LRIT3: variants seen among roughly 807,000 people sequenced by gnomAD.
LRIT3 encodes the protein leucine-rich repeat, immunoglobulin-like domain and transmembrane domain-containing protein 3.
LRIT3 carries 14 observed loss-of-function variants against 22.6 expected under a neutral mutation model. The ratio of observed to expected loss-of-function variants is 0.62; its 90% CI spans 0.41 to 0.97. LRIT3 has a LOEUF of 0.97. Among genes scored for constraint, LRIT3 ranks in the 50% least tolerant of loss-of-function variants. LRIT3 has a pLI of 0.00. For synonymous variants in LRIT3, 306 were observed against 304.5 expected, an observed-to-expected ratio of 1.01 and a Z score of -0.05; for missense variants, 783 against 803.0, an observed-to-expected ratio of 0.98 and a Z score of 0.30.
chr4:109,854,510 T>C (rs1351616714), intron 2 of LRIT3, among the ~76,000 whole-genome samples: 1 of 152,232 alleles, frequency 6.6e-6, no homozygotes. Flanking sequence ...TACAATCATG[T>C]CATCTGCAAA....
intron 1 of LRIT3, 72 bp from the exon 2 acceptor site, chr4:109,851,432 A>G (rs1734252795): frequency 5.5e-6 from 8 of 1,459,792 alleles, no homozygotes; most frequent in Non-Finnish European, 7.2e-6. Context: ...TACATTTTTC[A>G]AATGAGAAGT....
At chr4:109,854,890 T>C (rs1337310116) in intron 2 of LRIT3, among the ~76,000 whole-genome samples, 1 of 152,186 alleles carries the variant, frequency 6.6e-6, no homozygotes, top group Non-Finnish European at 1.5e-5. Flanking sequence ...TTTGCATATG[T>C]TGAACAAGCG....
At chr4:109,859,037 A>G (rs1734472777) in intron 2 of LRIT3, among the ~76,000 whole-genome samples, 1 of 152,222 alleles carries the variant, frequency 6.6e-6, no homozygotes, top group African/African-American at 2.4e-5. Context: ...TGACATGCAC[A>G]TAAGCTAATT....
rs899298980 is a variant in LRIT3 at position 109,871,949 on chromosome 4, C to G, written c.*1160C>G. 4 of 152,134 alleles carry G rather than the reference C, an allele frequency of 2.6e-5. No homozygotes were observed. Among genetic ancestry groups the G allele is most frequent in the African/African-American group, 9.7e-5 (4 of 41,424 alleles). 9.4% of individuals were successfully genotyped at this position (152,134 alleles called of 1,614,324 possible). ...CTCATGGCTTTAAGATTAACGATAG[C>G]GATAAGGCCCACTCAAGCATCTCAC... On this transcript the variant is annotated 3_prime_UTR_variant, in exon 4 of 4. Transcript: ENST00000594814.
rs899043961 is a variant in LRIT3, at chr4:109,851,831, G to A, written c.444G>A (p.Ala148=). ...AAATAACCAGTGTGCCAAATGAGGC[G>A]CTCAGGTATCTGAAGAACCTTGCCT... ...NNKITSVPNE[A]LRYLKNLAYL... Residue 148 remains alanine, a synonymous_variant, in exon 2 of 4, where the codon GCG becomes GCA. Coordinates refer to ENST00000594814, the MANE Select transcript of LRIT3 (RefSeq NM_198506.5). 24 of 1,551,570 alleles carry A rather than the reference G, an allele frequency of 1.5e-5. No homozygotes were observed. The highest frequency in any genetic ancestry group is 5.5e-5 in the African/African-American group (4 of 73,018).
intron 1 of LRIT3, 185 bp from the exon 2 acceptor site, chr4:109,851,319 A>C (rs1734249678): frequency 2.9e-6 from 2 of 684,192 alleles, no homozygotes; most frequent in Non-Finnish European, 4.7e-6. Context: ...GCCACAGAGG[A>C]GGTGGCAAAC....
Position 109,867,811 on chromosome 4 carries a change from C to G in LRIT3, c.760C>G (p.Pro254Ala). ...QRAELEHCLK[P>A]SVMTSATKIM... ...GGCTGAATTGGAGCATTGTCTGAAA[C>G]CATCAGTGATGACCTCAGCCACCAA... Residue 254 changes from proline (P) to alanine (A), a missense_variant, in exon 3 of 4, where the codon CCA becomes GCA. Physicochemically the swap from Pro to Ala is conservative, Grantham distance 27 (BLOSUM62 -1). Around this residue, in one of 2 missense-constraint regions of LRIT3, gnomAD observed 756 missense variants for 753.8 expected, o/e 1.00. Transcript: ENST00000594814. The G allele has an allele frequency of 6.2e-7, 1 of 1,614,182 alleles. No individual in the cohort carries two copies. Among genetic ancestry groups the G allele is most frequent in the Non-Finnish European group, 8.5e-7 (1 of 1,180,020 alleles).
intron 1 of LRIT3, among the ~76,000 whole-genome samples, chr4:109,848,747 A>G (rs1734136893): frequency 6.6e-6 from 1 of 152,216 alleles, no homozygotes; most frequent in Admixed American, 6.5e-5. Flanking sequence ...ATTCATGCCA[A>G]TTGAATGGCA....
At chr4:109,861,662 A>ATT (rs1480482039) in intron 2 of LRIT3, among the ~76,000 whole-genome samples, 2 of 151,914 alleles carry the variant, frequency 1.3e-5, no homozygotes, top group African/African-American at 4.8e-5. Flanking sequence ...TTTAAGGGCT[A>ATT]TTTGTCTTTT....
intron 2 of LRIT3, among the ~76,000 whole-genome samples, chr4:109,856,618 T>C (rs1734407949): frequency 6.6e-6 from 1 of 152,148 alleles, no homozygotes. Context: ...TTTTACTGAT[T>C]CCCAATTGTG....
chr4:109,851,838 T>C lies in LRIT3; in HGVS notation c.451T>C (p.Tyr151His), dbSNP rs1441384954. The change falls in exon 2 of 4, where the codon TAT becomes CAT. Residue 151 changes from tyrosine to histidine, a missense_variant. Transcript: ENST00000594814. ...CAGTGTGCCAAATGAGGCGCTCAGG[T>C]ATCTGAAGAACCTTGCCTACTTGGA... ...ITSVPNEALR[Y>H]LKNLAYLDLS... The C allele has an allele frequency of 1.8e-5, 28 of 1,551,664 alleles. 1 individual carries two copies. Among genetic ancestry groups the C allele is most frequent in the African/African-American group, 6.8e-5 (5 of 73,128 alleles).
chr4:109,859,355 A>T (rs1734480239), intron 2 of LRIT3, among the ~76,000 whole-genome samples: 1 of 152,230 alleles, frequency 6.6e-6, no homozygotes, highest in African/African-American at 2.4e-5. Context: ...TAACATCTGT[A>T]TGCAGAAGTA....
chr4:109,867,941 A>G lies in LRIT3; in HGVS notation c.890A>G (p.Tyr297Cys). The G allele has an allele frequency of 6.2e-7, 1 of 1,607,916 alleles. No individual in the cohort carries two copies. Among genetic ancestry groups the G allele is most frequent in the Non-Finnish European group, 8.5e-7 (1 of 1,176,118 alleles). Residue 297 changes from tyrosine (Y) to cysteine (C), a missense_variant, in exon 3 of 4, where the codon TAT becomes TGT. Tyr to Cys is a radical substitution (Grantham distance 194). This residue lies in a region of LRIT3 where 756 missense variants were observed against 753.8 expected (regional missense o/e 1.00). Coordinates refer to ENST00000594814, the MANE Select transcript of LRIT3 (RefSeq NM_198506.5). ...AGATCTGACAGCTCGCCAGTTAATTATACAGGTATTTTCTTAATTCAGCCC... is the reference window on the plus strand; with the variant it reads ...AGATCTGACAGCTCGCCAGTTAATTGTACAGGTATTTTCTTAATTCAGCCC... ...WTRSDSSPVN[Y>C]TVIQESPEEG...
At chr4:109,850,433 T>C (rs929052871) in intron 1 of LRIT3, among the ~76,000 whole-genome samples, 2 of 94,384 alleles carry the variant, frequency 2.1e-5, no homozygotes, top group African/African-American at 9.2e-5. Context: ...CTTTCTTTCT[T>C]TCTTTCTTTC....
chr4:109,852,760 C>T (rs948492535), intron 2 of LRIT3, among the ~76,000 whole-genome samples: 3 of 152,106 alleles, frequency 2.0e-5, no homozygotes, highest in Non-Finnish European at 4.4e-5. Context: ...CACAACAGGC[C>T]CCAGTGTGTG....
chr4:109,871,681 T>C lies in LRIT3; in HGVS notation c.*892T>C, dbSNP rs1734840768. 1 of 152,202 alleles carries C rather than the reference T, an allele frequency of 6.6e-6. No homozygotes were observed. The highest frequency in any genetic ancestry group is 2.4e-5 in the African/African-American group (1 of 41,442). The allele number at this position is 152,202 out of a possible 1,614,324, so 9.4% of individuals were successfully genotyped here. A position where few individuals can be genotyped will look rare whatever the true frequency, so the allele number is the denominator to read the frequency against. On this transcript the variant is annotated 3_prime_UTR_variant, in exon 4 of 4. Coordinates refer to ENST00000594814, the MANE Select transcript of LRIT3 (RefSeq NM_198506.5). Reference sequence around the variant, plus strand: ...GTTTGTCTTTTGCCATATTGTCTTTTGATTCTCTTGATAAAGAGAAAGCTT... The same window carrying C: ...GTTTGTCTTTTGCCATATTGTCTTTCGATTCTCTTGATAAAGAGAAAGCTT...
Position 109,852,030 on chromosome 4 carries a change from C to G in LRIT3, c.589+54C>G, listed in dbSNP as rs574548892. On this transcript the variant is annotated intron_variant, in intron 2 of 3. Transcript: ENST00000594814. ...TCTATAGTTACTTTGCTATGCATAG[C>G]TTTTTTTGTCCAGTCTTTTAAAATT... The G allele has an allele frequency of 5.6e-6, 8 of 1,426,548 alleles. No individual in the cohort carries two copies. The South Asian group carries it at 1.2e-4, about 21-fold the overall frequency. 88.4% of individuals were successfully genotyped at this position (1,426,548 alleles called of 1,614,324 possible). A position where few individuals can be genotyped will look rare whatever the true frequency, so the allele number is the denominator to read the frequency against.
intron 2 of LRIT3, among the ~76,000 whole-genome samples, chr4:109,861,488 T>C (rs564306140): frequency 1.1e-4 from 16 of 151,526 alleles, no homozygotes; most frequent in Non-Finnish European, 1.9e-4. Flanking sequence ...TTAATGTTGT[T>C]GGTCTTTTTC....
intron 3 of LRIT3, 68 bp downstream of exon 3, chr4:109,868,014 T>C: frequency 2.0e-6 from 3 of 1,479,884 alleles, no homozygotes; most frequent in Admixed American, 2.1e-5. Flanking sequence ...TCATGTGTTG[T>C]GTGATTTGAA....
Sources: allele counts gnomAD v4.1 joint callset (sites outside exome capture counted in the v4.1 genomes callset), GRCh38; gene constraint gnomAD v4.1.1; regional missense constraint gnomAD v4.1.1; transcripts MANE v1.5; gene names NCBI Gene and HGNC (gene_info 2026-07-23, HGNC 2026-07-21).